AFF3: variants seen among roughly 807,000 people sequenced by gnomAD.
AFF3 encodes AF4/FMR2 family member 3.
AFF3 carries 32 observed loss-of-function variants against 129.7 expected under a neutral mutation model. That is an observed-to-expected ratio of 0.25 (90% CI 0.19 to 0.33). The LOEUF (loss-of-function observed/expected upper bound fraction) is 0.33, where lower values mean the gene tolerates loss of function less well. Among genes scored for constraint, AFF3 ranks in the 10% least tolerant of loss-of-function variants. The pLI is 1.00. For missense variants in AFF3, 1,373 were observed against 1,592.0 expected (o/e 0.86, Z 2.34); for synonymous variants, 644 against 635.4 (o/e 1.01, Z -0.20).
intron 8 of AFF3, among the ~76,000 whole-genome samples, chr2:99,760,506 G>A (rs1331113801): frequency 6.6e-6 from 1 of 152,098 alleles, no homozygotes; most frequent in Non-Finnish European, 1.5e-5. Context: ...TATCATTCCT[G>A]CTAAAATTGC....
intron 8 of AFF3, among the ~76,000 whole-genome samples, chr2:99,761,927 A>AAGC (rs1682632752): frequency 6.6e-6 from 1 of 151,734 alleles, no homozygotes; most frequent in Non-Finnish European, 1.5e-5. Context: ...TTTTCTATAC[A>AAGC]CTGTCTTCCC....
chr2:99,970,212 GT>G (rs1559021151), intron 7 of AFF3, among the ~76,000 whole-genome samples: 1 of 152,110 alleles, frequency 6.6e-6, no homozygotes, highest in Admixed American at 6.5e-5. Flanking sequence ...TCCGTGTACC[GT>G]CCTGAAGGGA....
At chr2:99,885,787 T>C (rs1020981219) in intron 7 of AFF3, among the ~76,000 whole-genome samples, 25 of 152,204 alleles carry the variant, frequency 1.6e-4, no homozygotes, top group Non-Finnish European at 2.6e-4. Context: ...CTCAGCCACT[T>C]GGGCCACTGG....
intron 8 of AFF3, among the ~76,000 whole-genome samples, chr2:99,835,895 G>A (rs932979687): frequency 6.6e-6 from 1 of 152,130 alleles, no homozygotes; most frequent in Non-Finnish European, 1.5e-5. Flanking sequence ...AGGGAGGGGA[G>A]GACTGGGGCG....
At chr2:100,064,026 T>A (rs1484573446) in intron 4 of AFF3, among the ~76,000 whole-genome samples, 2 of 151,212 alleles carry the variant, frequency 1.3e-5, no homozygotes, top group Non-Finnish European at 2.9e-5. Flanking sequence ...GAGGCGGAGG[T>A]TGCAGTGAGC....
chr2:99,990,197 C>T (rs959684785), intron 7 of AFF3, among the ~76,000 whole-genome samples: 12 of 152,092 alleles, frequency 7.9e-5, no homozygotes, highest in African/African-American at 2.7e-4. Flanking sequence ...AGGAGGTTTC[C>T]GTTGGCCACT....
At chr2:99,712,640 T>C (rs1383741213) in intron 11 of AFF3, among the ~76,000 whole-genome samples, 2 of 152,230 alleles carry the variant, frequency 1.3e-5, no homozygotes, top group Non-Finnish European at 2.9e-5. Context: ...AGGTGATCTT[T>C]GCGACACTTT....
chr2:99,550,701 T>A lies in AFF3; in HGVS notation c.*773A>T, dbSNP rs1050975823. The A allele has an allele frequency of 4.3e-6, 1 of 232,838 alleles. No homozygotes were observed. The highest frequency in any genetic ancestry group is 2.2e-5 in the African/African-American group (1 of 45,324). The allele number at this position is 232,838 out of a possible 1,614,324, so 14.4% of individuals were successfully genotyped here. A position where few individuals can be genotyped will look rare whatever the true frequency, so the allele number is the denominator to read the frequency against. On this transcript the variant is annotated 3_prime_UTR_variant, in exon 25 of 25. Coordinates refer to ENST00000672756, the MANE Select transcript of AFF3 (RefSeq NM_001386135.1). Reference sequence around the variant, plus strand: ...CACTGCTACCTTAGTGTCTGTTAACTTTCAAAGACGCCGCGTTTTTGCTAA... The same window carrying A: ...CACTGCTACCTTAGTGTCTGTTAACATTCAAAGACGCCGCGTTTTTGCTAA...
At chr2:99,601,998 CA>C (rs1405376285) in intron 13 of AFF3, among the ~76,000 whole-genome samples, 2 of 152,092 alleles carry the variant, frequency 1.3e-5, no homozygotes, top group Non-Finnish European at 2.9e-5. Flanking sequence ...CAAGGAAATC[CA>C]AAAAGCTTGA....
chr2:100,121,543 TAGGTAAATA>T (rs1294677060), intron 2 of AFF3, among the ~76,000 whole-genome samples: 1 of 152,224 alleles, frequency 6.6e-6, no homozygotes, highest in Non-Finnish European at 1.5e-5. Flanking sequence ...GAATGCTTGC[TAGGTAAATA>T]AATTGATTTT....
rs541665500 is a variant in AFF3, at chr2:99,991,480, C to G, written c.873+15152G>C. 5.9e-5 allele frequency among the ~76,000 whole-genome samples: 9 copies of G among 152,320 alleles called. No homozygotes were observed. In the East Asian group the frequency reaches 1.7e-3, roughly 29 times the overall value. ...TTCACAAGACTTGCAAGTGTCTCCT[C>G]TCTGTTGCCAGACTTAGAGGGAAAA... On this transcript the variant is annotated intron_variant, in intron 7 of 24. Transcript: ENST00000672756.
intron 4 of AFF3, among the ~76,000 whole-genome samples, chr2:100,063,762 CAT>C (rs1199710451): frequency 1.3e-5 from 2 of 151,968 alleles, no homozygotes; most frequent in Non-Finnish European, 2.9e-5. Flanking sequence ...TGTTAAAAGA[CAT>C]AAATCCACAG....
At chr2:99,683,843 T>C (rs1032191330) in intron 11 of AFF3, among the ~76,000 whole-genome samples, 7 of 152,242 alleles carry the variant, frequency 4.6e-5, no homozygotes, top group African/African-American at 1.7e-4. Flanking sequence ...TCACTGCTTA[T>C]TGGGAGCAGA....
intron 4 of AFF3, chr2:100,011,510 T>C: frequency 1.3e-6 from 1 of 781,070 alleles, no homozygotes; most frequent in South Asian, 1.3e-5. Context: ...CTGCATCTGC[T>C]GGCTGATGAC....
chr2:100,028,155 A>C (rs778809929), intron 4 of AFF3, among the ~76,000 whole-genome samples: 1 of 152,224 alleles, frequency 6.6e-6, no homozygotes, highest in Non-Finnish European at 1.5e-5. Context: ...AATACCAGTG[A>C]CAGTGGTATT....
chr2:99,974,592 C>A (rs1016899300), intron 7 of AFF3, among the ~76,000 whole-genome samples: 1 of 152,170 alleles, frequency 6.6e-6, no homozygotes, highest in African/African-American at 2.4e-5. Context: ...TTATCTCAAA[C>A]CTGTCTCTAC....
chr2:99,614,651 T>G (rs759809958), intron 13 of AFF3, among the ~76,000 whole-genome samples: 3 of 152,272 alleles, frequency 2.0e-5, no homozygotes, highest in Admixed American at 2.0e-4. Context: ...GAATCTGTTC[T>G]AACACTCGAA....
chr2:100,106,743 T>A, intron 2 of AFF3: 5 of 985,606 alleles, frequency 5.1e-6, no homozygotes, highest in Non-Finnish European at 6.0e-6. Flanking sequence ...CACATCTGTT[T>A]ATACAAAGGA....
chr2:99,613,074 G>A (rs1681085188), intron 13 of AFF3, among the ~76,000 whole-genome samples: 1 of 152,128 alleles, frequency 6.6e-6, no homozygotes, highest in African/African-American at 2.4e-5. Flanking sequence ...CCATTTTCAA[G>A]TCTACGTGAT....
Sources: allele counts gnomAD v4.1 joint callset (sites outside exome capture counted in the v4.1 genomes callset), GRCh38; gene constraint gnomAD v4.1.1; transcripts MANE v1.5; gene names NCBI Gene and HGNC (gene_info 2026-07-23, HGNC 2026-07-21).